Variants in GPATCH8 observed in about 807,000 individuals in gnomAD.
The protein encoded by GPATCH8 is G patch domain-containing protein 8.
In GPATCH8, 18 loss-of-function variants were observed where a neutral mutation model predicts 118.3. The ratio of observed to expected loss-of-function variants is 0.15; its 90% CI spans 0.11 to 0.23. The LOEUF (loss-of-function observed/expected upper bound fraction) is 0.23, where lower values mean the gene tolerates loss of function less well. Among genes scored for constraint, GPATCH8 ranks in the 10% least tolerant of loss-of-function variants. GPATCH8 has a pLI of 1.00. For missense variants in GPATCH8, 1,631 were observed against 1,873.8 expected (o/e 0.87, Z 2.39); for synonymous variants, 659 against 684.7 (o/e 0.96, Z 0.59).
chr17:44,401,343 G>A lies in GPATCH8; in HGVS notation c.734C>T (p.Ala245Val), dbSNP rs900494891. The A allele has an allele frequency of 6.2e-7, 1 of 1,609,064 alleles. No individual in the cohort carries two copies. The highest frequency in any genetic ancestry group is 1.3e-5 in the African/African-American group (1 of 74,620). ...SATNSGTGAT[A>V]SCGLGSEFST... is the part of the protein sequence containing the mutation. The stretch of plus-strand genomic sequence containing the variant: ...GAATTCAGATCCCAGGCCACAAGAA[G>A]CAGTGGCACCTGTGCCACTATTTGT... Residue 245 changes from alanine (A) to valine (V), a missense_variant, in exon 8 of 8, where the codon GCT becomes GTT. Ala to Val is a moderately conservative substitution (Grantham distance 64). Transcript: ENST00000591680.
intron 1 of GPATCH8, among the ~76,000 whole-genome samples, chr17:44,496,102 C>T (rs1203745492): frequency 1.3e-5 from 2 of 152,166 alleles, no homozygotes; most frequent in African/African-American, 4.8e-5. Context: ...CTCCTGACCC[C>T]GTGTGATCCA....
At chr17:44,401,918 C>T (rs1196067400) in intron 7 of GPATCH8, among the ~76,000 whole-genome samples, 5 of 151,460 alleles carry the variant, frequency 3.3e-5, no homozygotes, top group Non-Finnish European at 7.4e-5. Context: ...GCAGAAGAAT[C>T]GCTCTAACCT....
At chr17:44,411,834 T>G (rs973235264) in intron 6 of GPATCH8, among the ~76,000 whole-genome samples, 1 of 152,306 alleles carries the variant, frequency 6.6e-6, no homozygotes, top group African/African-American at 2.4e-5. Flanking sequence ...GGCTCACACC[T>G]GTACTCTCAA....
chr17:44,448,211 A>T (rs2050958532), intron 3 of GPATCH8, among the ~76,000 whole-genome samples: 1 of 152,178 alleles, frequency 6.6e-6, no homozygotes, highest in African/African-American at 2.4e-5. Context: ...ATTTGATGGT[A>T]ATGAAACAAC....
In GPATCH8 at chr17:44,485,119, T is replaced by A. The variant is rs141445192; in HGVS notation, c.46-10216A>T. Among the ~76,000 whole-genome samples the A allele has an allele frequency of 6.1e-4, 93 of 152,030 alleles. 1 individual carries two copies. The highest frequency in any genetic ancestry group is 2.1e-3 in the African/African-American group (87 of 41,468). ...GTGAGCCCACCATGCCAAGCCTGTTTTTATTTTCTGAGACAAGGTCTCACT... is the reference window on the plus strand; with the variant it reads ...GTGAGCCCACCATGCCAAGCCTGTTATTATTTTCTGAGACAAGGTCTCACT... On this transcript the variant is annotated intron_variant, in intron 1 of 7. Coordinates refer to ENST00000591680, the MANE Select transcript of GPATCH8 (RefSeq NM_001002909.4).
At chr17:44,500,197 G>C (rs1215734193) in intron 1 of GPATCH8, among the ~76,000 whole-genome samples, 2 of 152,196 alleles carry the variant, frequency 1.3e-5, no homozygotes, top group African/African-American at 4.8e-5. Flanking sequence ...ATGGTCATGA[G>C]GACAAGTACA....
intron 7 of GPATCH8, among the ~76,000 whole-genome samples, chr17:44,405,459 C>T (rs529577192): frequency 1.3e-5 from 2 of 152,028 alleles, no homozygotes; most frequent in African/African-American, 2.4e-5. Context: ...CTGCCCGCCT[C>T]GGCCTCCCAA....
intron 3 of GPATCH8, among the ~76,000 whole-genome samples, chr17:44,454,975 C>T (rs2051270834): frequency 6.6e-6 from 1 of 152,194 alleles, no homozygotes; most frequent in African/African-American, 2.4e-5. Context: ...ATTATAGCTA[C>T]ATGCTTCTTC....
intron 2 of GPATCH8, among the ~76,000 whole-genome samples, chr17:44,469,960 T>C (rs1967139322): frequency 6.6e-6 from 1 of 152,206 alleles, no homozygotes; most frequent in East Asian, 1.9e-4. Context: ...ATTATACATA[T>C]ACTTCCAAAT....
At chr17:44,484,092 G>A (rs1364426495) in intron 1 of GPATCH8, among the ~76,000 whole-genome samples, 3 of 151,986 alleles carry the variant, frequency 2.0e-5, no homozygotes, top group African/African-American at 7.3e-5. Flanking sequence ...CGCCCGCCTC[G>A]GACTTCCAAA....
rs1267881282 is a variant in GPATCH8 at position 44,398,691 on chromosome 17, C to A, written c.3386G>T (p.Gly1129Val). Residue 1129 changes from glycine (G) to valine (V), a missense_variant, in exon 8 of 8, where the codon GGT (glycine) becomes GTT (valine). Gly to Val is a moderately radical substitution (Grantham distance 109). Around this residue, in one of 8 missense-constraint regions of GPATCH8, gnomAD observed 922 missense variants for 879.7 expected, o/e 1.05. Coordinates refer to ENST00000591680, the MANE Select transcript of GPATCH8 (RefSeq NM_001002909.4). Reference protein sequence around the residue: ...AGPKLKDPPQGYFGPKLPPSL... With the variant: ...AGPKLKDPPQVYFGPKLPPSL... ...TGGGGGGAGCTTGGGCCCAAAGTAA[C>A]CTTGTGGGGGGTCCTTGAGCTTGGG... 2 of 1,587,902 alleles carry A rather than the reference C, an allele frequency of 1.3e-6. No individual in the cohort carries two copies. The highest frequency in any genetic ancestry group is 1.7e-6 in the Non-Finnish European group (2 of 1,165,720).
chr17:44,404,112 AAAC>A (rs1228611369), intron 7 of GPATCH8, among the ~76,000 whole-genome samples: 1 of 152,148 alleles, frequency 6.6e-6, no homozygotes, highest in Non-Finnish European at 1.5e-5. Flanking sequence ...AACAAATAAA[AAAC>A]AACGCCCCGC....
chr17:44,502,828 G>A (rs1970191187), intron 1 of GPATCH8, among the ~76,000 whole-genome samples: 2 of 152,218 alleles, frequency 1.3e-5, no homozygotes, highest in African/African-American at 4.8e-5. Context: ...AGGTAAGGAA[G>A]AGGAAAAGCA....
At chr17:44,451,727 T>C (rs1258390330) in intron 3 of GPATCH8, among the ~76,000 whole-genome samples, 2 of 152,214 alleles carry the variant, frequency 1.3e-5, no homozygotes, top group Non-Finnish European at 2.9e-5. Flanking sequence ...AGTGAATTTA[T>C]ACTCATCATG....
At chr17:44,418,082 G>GAC (rs1053333239) in intron 6 of GPATCH8, among the ~76,000 whole-genome samples, 3 of 151,794 alleles carry the variant, frequency 2.0e-5, no homozygotes, top group African/African-American at 7.2e-5. Flanking sequence ...GCTAAGATTG[G>GAC]AAGAAAAATC....
chr17:44,438,312 CCT>C (rs960714188), intron 3 of GPATCH8, among the ~76,000 whole-genome samples: 2 of 151,998 alleles, frequency 1.3e-5, no homozygotes, highest in Non-Finnish European at 2.9e-5. Context: ...TCTGTAAACC[CCT>C]GTTTATAAAC....
intron 6 of GPATCH8, among the ~76,000 whole-genome samples, chr17:44,411,171 A>G (rs2049415240): frequency 6.6e-6 from 1 of 152,186 alleles, no homozygotes; most frequent in African/African-American, 2.4e-5. Flanking sequence ...GGCAACTATG[A>G]CAATTGGGCT....
intron 2 of GPATCH8, among the ~76,000 whole-genome samples, chr17:44,468,593 T>TA (rs943055269): frequency 6.6e-6 from 1 of 151,458 alleles, no homozygotes; most frequent in Non-Finnish European, 1.5e-5. Flanking sequence ...AAAATAATTT[T>TA]AAAAAAAAGT....
At chr17:44,495,033 T>G (rs970860098) in intron 1 of GPATCH8, among the ~76,000 whole-genome samples, 1 of 152,112 alleles carries the variant, frequency 6.6e-6, no homozygotes, top group African/African-American at 2.4e-5. Context: ...AAATGCTAAC[T>G]TCTTCATAAA....
Sources: allele counts gnomAD v4.1 joint callset (sites outside exome capture counted in the v4.1 genomes callset), GRCh38; gene constraint gnomAD v4.1.1; regional missense constraint gnomAD v4.1.1; transcripts MANE v1.5; gene names NCBI Gene and HGNC (gene_info 2026-07-23, HGNC 2026-07-21).